The following ZNF608 variants were observed in gnomAD, a reference collection of about 807,000 sequenced individuals.
The protein encoded by ZNF608 is renal carcinoma antigen NY-REN-36.
ZNF608 carries 12 observed loss-of-function variants against 109.0 expected under a neutral mutation model. The ratio of observed to expected loss-of-function variants is 0.11; its 90% CI spans 0.07 to 0.18. The LOEUF is 0.18. Among genes scored for constraint, ZNF608 ranks in the 10% least tolerant of loss-of-function variants. The probability of loss-of-function intolerance (pLI) is 1.00; values close to 1 mark genes in which losing one functional copy is unlikely to be tolerated. For synonymous variants in ZNF608, 732 were observed against 717.4 expected, an observed-to-expected ratio of 1.02 and a Z score of -0.33; for missense variants, 1,707 against 1,879.3, an observed-to-expected ratio of 0.91 and a Z score of 1.70.
At chr5:124,655,428 T>G (rs1300188736) in intron 3 of ZNF608, among the ~76,000 whole-genome samples, 1 of 152,192 alleles carries the variant, frequency 6.6e-6, no homozygotes, top group African/African-American at 2.4e-5. Context: ...AGACAGAAGT[T>G]TTTTTGAACT....
intron 3 of ZNF608, among the ~76,000 whole-genome samples, chr5:124,697,223 C>T (rs1445465694): frequency 1.8e-4 from 5 of 27,206 alleles, no homozygotes; most frequent in African/African-American, 8.5e-4. Context: ...TCAGGTAAGG[C>T]CAAAAAAAAA....
rs1321676388 is a variant in ZNF608 at position 124,701,023 on chromosome 5, T to A, written c.1153A>T (p.Thr385Ser). 1 of 1,614,096 alleles carries A rather than the reference T, an allele frequency of 6.2e-7. No homozygotes were observed. Among genetic ancestry groups the A allele is most frequent in the African/African-American group, 1.3e-5 (1 of 75,028 alleles). ...VNLEGIVWHE[T>S]EEGVLVVNVT... ...AATAAATTGTATTTACCTTCTTCTG[T>A]TTCATGCCACACGATCCCTTCCAAA... Residue 385 changes from threonine to serine, a missense_variant, in exon 3 of 10, where the codon ACA becomes TCA. This residue lies in a region of ZNF608 where 16 missense variants were observed against 37.0 expected (regional missense o/e 0.43). Coordinates refer to ENST00000513986, the MANE Select transcript of ZNF608 (RefSeq NM_020747.3).
chr5:124,746,171 T>TAC (rs151219171), intron 1 of ZNF608, 24 bp downstream of exon 1: 9 of 985,012 alleles, frequency 9.1e-6, no homozygotes, highest in Non-Finnish European at 9.6e-6. Flanking sequence ...CACACACACA[T>TAC]ACACACACAC....
intron 3 of ZNF608, 62 bp from the exon 4 acceptor site, chr5:124,649,759 C>A: frequency 9.3e-7 from 1 of 1,078,450 alleles, no homozygotes. Flanking sequence ...ATTTCCAGTT[C>A]ACTTATTATT....
rs762187539 is a variant in ZNF608 at position 124,708,827 on chromosome 5, G to A, written c.907-7558C>T. 5.2e-4 allele frequency: 232 copies of A among 445,704 alleles called. 2 individuals carry two copies. The highest frequency in any genetic ancestry group is 5.2e-3 in the Admixed American group (206 of 40,000). The allele number at this position is 445,704 out of a possible 1,614,324, so 27.6% of individuals were successfully genotyped here. ...GCCCCAAGGCCAGTGGGGCCAAGACGGATGCTTCCACCTCCAGCCAGAACC... is the reference window on the plus strand; with the variant it reads ...GCCCCAAGGCCAGTGGGGCCAAGACAGATGCTTCCACCTCCAGCCAGAACC... On this transcript the variant is annotated intron_variant, in intron 2 of 9. Transcript: ENST00000513986.
chr5:124,693,885 ACTGT>A (rs371746262), intron 3 of ZNF608, among the ~76,000 whole-genome samples: 190 of 149,792 alleles, frequency 1.3e-3, no homozygotes, highest in African/African-American at 4.4e-3. Flanking sequence ...GCCTTTGTTG[ACTGT>A]CTATTGTACG....
chr5:124,703,552 G>A (rs564604807), intron 2 of ZNF608, among the ~76,000 whole-genome samples: 8 of 152,236 alleles, frequency 5.3e-5, no homozygotes, highest in African/African-American at 1.9e-4. Context: ...TATCACTTCA[G>A]GCTGGGAGTT....
upstream of ZNF608, among the ~76,000 whole-genome samples, chr5:124,748,113 C>T (rs150549114): frequency 1.8e-4 from 27 of 152,172 alleles, no homozygotes; most frequent in East Asian, 5.2e-3. Context: ...AATTATCGGG[C>T]ACTGGGATCT....
chr5:124,745,870 T>A (rs536512482), intron 1 of ZNF608, among the ~76,000 whole-genome samples: 1 of 152,300 alleles, frequency 6.6e-6, no homozygotes, highest in South Asian at 2.1e-4. Context: ...AGCATTTCTC[T>A]CTAGAAAAGA....
At chr5:124,739,973 A>C (rs1392138050) in intron 2 of ZNF608, among the ~76,000 whole-genome samples, 1 of 152,228 alleles carries the variant, frequency 6.6e-6, no homozygotes, top group African/African-American at 2.4e-5. Context: ...TAACAGTCTA[A>C]TTAAAACCAT....
chr5:124,706,680 A>G (rs4546374), intron 2 of ZNF608, among the ~76,000 whole-genome samples: 1 of 152,164 alleles, frequency 6.6e-6, no homozygotes, highest in African/African-American at 2.4e-5. Flanking sequence ...ACACTGATGT[A>G]ACCTATTAGA....
chr5:124,732,947 T>C (rs957925870), intron 2 of ZNF608, among the ~76,000 whole-genome samples: 1 of 151,944 alleles, frequency 6.6e-6, no homozygotes, highest in Non-Finnish European at 1.5e-5. Flanking sequence ...CCCCACCTTC[T>C]TCCCTCCCTC....
chr5:124,658,590 G>T (rs925893580), intron 3 of ZNF608, among the ~76,000 whole-genome samples: 1 of 152,194 alleles, frequency 6.6e-6, no homozygotes, highest in Non-Finnish European at 1.5e-5. Flanking sequence ...CCACTGGTTG[G>T]TCTGAAATCT....
chr5:124,709,794 TAAAGCACAA>T (rs1753417153), intron 2 of ZNF608, among the ~76,000 whole-genome samples: 4 of 152,152 alleles, frequency 2.6e-5, no homozygotes, highest in Admixed American at 6.5e-5. Context: ...CAAAGACACT[TAAAGCACAA>T]AAATAAGCCA....
At chr5:124,718,631 C>A (rs999200769) in intron 2 of ZNF608, among the ~76,000 whole-genome samples, 1 of 152,102 alleles carries the variant, frequency 6.6e-6, no homozygotes, top group Admixed American at 6.5e-5. Flanking sequence ...AGAGGAGGGG[C>A]GATGTGAAAG....
intron 2 of ZNF608, among the ~76,000 whole-genome samples, chr5:124,714,141 A>G (rs373107170): frequency 6.6e-6 from 1 of 152,190 alleles, no homozygotes; most frequent in Non-Finnish European, 1.5e-5. Flanking sequence ...TTTAAAAAAA[A>G]CAACATTGTC....
chr5:124,731,762 G>A (rs548131250), intron 2 of ZNF608, among the ~76,000 whole-genome samples: 1 of 152,046 alleles, frequency 6.6e-6, no homozygotes, highest in South Asian at 2.1e-4. Context: ...GGAGGCGGAG[G>A]TTGCAGCGAG....
intron 2 of ZNF608, among the ~76,000 whole-genome samples, chr5:124,731,780 C>A (rs932691243): frequency 6.6e-6 from 1 of 151,938 alleles, no homozygotes; most frequent in Admixed American, 6.6e-5. Flanking sequence ...GAGCCGAGAT[C>A]GTGCCACTGC....
At chr5:124,668,217 T>TA (rs1491485978) in intron 3 of ZNF608, among the ~76,000 whole-genome samples, 4 of 120,284 alleles carry the variant, frequency 3.3e-5, no homozygotes, top group Non-Finnish European at 7.0e-5. Context: ...TATATATATA[T>TA]TATATATATA....
Sources: gnomAD v4.1 joint callset for allele counts (sites outside exome capture counted in the v4.1 genomes callset) on GRCh38, gnomAD v4.1.1 for gene constraint, gnomAD v4.1.1 regional missense constraint, MANE v1.5 for transcripts, NCBI Gene and HGNC (gene_info 2026-07-23, HGNC 2026-07-21) for gene names.